The following ATF7IP2 variants were observed in gnomAD, a reference collection of about 807,000 sequenced individuals.
The protein encoded by ATF7IP2 is activating transcription factor 7-interacting protein 2.
A neutral mutation model predicts 64.2 loss-of-function variants in ATF7IP2; 42 were observed. That is an observed-to-expected ratio of 0.65 (90% CI 0.51 to 0.85). ATF7IP2 has a LOEUF of 0.85. Among genes scored for constraint, ATF7IP2 ranks in the 40% least tolerant of loss-of-function variants. ATF7IP2 has a pLI of 0.00. For synonymous variants in ATF7IP2, 308 were observed against 272.8 expected, an observed-to-expected ratio of 1.13 and a Z score of -1.27; for missense variants, 933 against 784.2, an observed-to-expected ratio of 1.19 and a Z score of -2.27.
At chr16:10,422,340 A>G (rs976344993) in intron 3 of ATF7IP2, among the ~76,000 whole-genome samples, 2 of 152,082 alleles carry the variant, frequency 1.3e-5, no homozygotes, top group South Asian at 2.1e-4. Flanking sequence ...AAACTTTGCA[A>G]ATTTTTTCCT....
intron 5 of ATF7IP2, among the ~76,000 whole-genome samples, chr16:10,432,577 A>G (rs1314308495): frequency 2.0e-5 from 3 of 151,954 alleles, no homozygotes; most frequent in Middle Eastern, 3.2e-3. Context: ...CTCTTAAAGA[A>G]AAAAAAAGAA....
chr16:10,418,309 C>T (rs2047919479), intron 2 of ATF7IP2, among the ~76,000 whole-genome samples: 1 of 152,230 alleles, frequency 6.6e-6, no homozygotes, highest in Non-Finnish European at 1.5e-5. Context: ...CAACAACCTT[C>T]AGCGTGGGCA....
intron 12 of ATF7IP2, among the ~76,000 whole-genome samples, chr16:10,476,775 C>G (rs917553104): frequency 6.6e-5 from 10 of 152,102 alleles, no homozygotes; most frequent in African/African-American, 2.2e-4. Flanking sequence ...TCTGTTCCTG[C>G]GTTACTTTGC....
chr16:10,407,558 G>C (rs1378141128), intron 1 of ATF7IP2, among the ~76,000 whole-genome samples: 1 of 152,052 alleles, frequency 6.6e-6, no homozygotes, highest in Non-Finnish European at 1.5e-5. Flanking sequence ...ACAAAATTCA[G>C]TACCATTTCT....
intron 8 of ATF7IP2, among the ~76,000 whole-genome samples, chr16:10,452,471 C>T (rs1259780870): frequency 6.6e-6 from 1 of 152,204 alleles, no homozygotes; most frequent in African/African-American, 2.4e-5. Context: ...GTTCCTTCCT[C>T]TGGAAGCTTC....
In ATF7IP2 at chr16:10,438,230, C is replaced by G; in HGVS notation, c.1090C>G (p.Leu364Val). Residue 364 changes from leucine (L) to valine (V), a missense_variant, in exon 7 of 14, where the codon CTT (leucine) becomes GTT (valine). Transcript: ENST00000562102. ...RNKHEGIADK[L>V]LAKIAKLQRR... is the part of the protein sequence containing the mutation. ...TAAGCATGAAGGAATAGCTGATAAA[C>G]TTTTGGTAAGTTTTGATTTCATTTG... The G allele has an allele frequency of 1.3e-6, 2 of 1,591,872 alleles. No individual in the cohort carries two copies. The highest frequency in any genetic ancestry group is 1.7e-6 in the Non-Finnish European group (2 of 1,172,394).
At chr16:10,452,347 G>C (rs2049012353) in intron 8 of ATF7IP2, among the ~76,000 whole-genome samples, 3 of 152,170 alleles carry the variant, frequency 2.0e-5, no homozygotes, top group African/African-American at 4.8e-5. Flanking sequence ...ATTCCTTTCT[G>C]TTTGTTACTC....
At position 10,438,341 on chromosome 16, in the gene ATF7IP2, C is replaced by G. The variant is rs1596512434; in HGVS notation, c.1095+106C>G. On this transcript the variant is annotated intron_variant, in intron 7 of 13. Transcript: ENST00000562102. ...CTCACTGCAGCCTCTGCCTTCTGAG[C>G]TCAAGCAATCCTACCACCTCAGTCT... 2.6e-6 allele frequency: 3 copies of G among 1,176,014 alleles called. No individual in the cohort carries two copies. The East Asian group carries it at 8.4e-5, about 33-fold the overall frequency. The allele number at this position is 1,176,014 out of a possible 1,614,324, so 72.8% of individuals were successfully genotyped here.
At chr16:10,413,524 G>T (rs1236151305) in intron 1 of ATF7IP2, among the ~76,000 whole-genome samples, 4 of 152,174 alleles carry the variant, frequency 2.6e-5, no homozygotes, top group Non-Finnish European at 5.9e-5. Context: ...GACTAATACA[G>T]TTAGTGTTTA....
At chr16:10,479,958 CTTTTTTTTTTT>C (rs201158427) in intron 12 of ATF7IP2, among the ~76,000 whole-genome samples, 11 of 80,586 alleles carry the variant, frequency 1.4e-4, no homozygotes, top group Middle Eastern at 9.3e-3. Flanking sequence ...ACTGGAAATA[CTTTTTTTTTTT>C]TTTTTTTTTT....
chr16:10,481,153 CAAAT>C (rs2050208252), intron 13 of ATF7IP2, among the ~76,000 whole-genome samples, 189 bp downstream of exon 13: 1 of 152,154 alleles, frequency 6.6e-6, no homozygotes, highest in Admixed American at 6.5e-5. Context: ...GAAATTAAAA[CAAAT>C]ACTTTTTTTA....
intron 1 of ATF7IP2, among the ~76,000 whole-genome samples, chr16:10,404,719 T>C (rs1384343918): frequency 6.6e-6 from 1 of 152,100 alleles, no homozygotes; most frequent in African/African-American, 2.4e-5. Context: ...TTTGTATTTT[T>C]AGTAGTGACA....
rs182422512 is a variant in ATF7IP2, at chr16:10,421,758, A to T, written c.-160+2135A>T. On this transcript the variant is annotated intron_variant, in intron 3 of 13. Transcript: ENST00000562102. ...TAATGTAACACTGTGGACATTTTTTACGAGTAGATTCAATTGCTTGCCCTA... is the reference window on the plus strand; with the variant it reads ...TAATGTAACACTGTGGACATTTTTTTCGAGTAGATTCAATTGCTTGCCCTA... Among the ~76,000 whole-genome samples, 412 of 152,346 alleles carry T rather than the reference A, an allele frequency of 2.7e-3. 4 individuals carry two copies. Among genetic ancestry groups the T allele is most frequent in the African/African-American group, 9.4e-3 (391 of 41,582 alleles).
At chr16:10,473,095 A>T (rs1419719362) in intron 10 of ATF7IP2, among the ~76,000 whole-genome samples, 1 of 152,192 alleles carries the variant, frequency 6.6e-6, no homozygotes, top group East Asian at 1.9e-4. Flanking sequence ...AAAGGATGTT[A>T]ATCATTTATC....
At chr16:10,444,246 G>T (rs1026998132) in intron 8 of ATF7IP2, among the ~76,000 whole-genome samples, 1 of 152,156 alleles carries the variant, frequency 6.6e-6, no homozygotes, top group African/African-American at 2.4e-5. Context: ...AAGTTTTTTT[G>T]AATATTAGTT....
chr16:10,440,331 C>A, intron 7 of ATF7IP2, 33 bp from the exon 8 acceptor site: 1 of 1,149,394 alleles, frequency 8.7e-7, no homozygotes, highest in Non-Finnish European at 1.2e-6. Context: ...AGTACTCTGG[C>A]TTAGTATTTA....
At chr16:10,420,560 C>T (rs546095138) in intron 3 of ATF7IP2, among the ~76,000 whole-genome samples, 9 of 152,306 alleles carry the variant, frequency 5.9e-5, no homozygotes, top group South Asian at 2.1e-4. Context: ...TTAGATACTG[C>T]AGTAGCAACT....
chr16:10,457,421 A>G lies in ATF7IP2; in HGVS notation c.1244A>G (p.Asn415Ser). ...MILDKNLESV[N>S]SPIEKSSVNY... is the part of the protein sequence containing the mutation. ...TTGGATAAGAATCTTGAGTCAGTTA[A>G]TAGTCCAATTGAAAAGTCTTCTGTG... Residue 415 changes from asparagine (N) to serine (S), a missense_variant, in exon 9 of 14, where the codon AAT becomes AGT. Transcript: ENST00000562102. 1 of 1,608,810 alleles carries G rather than the reference A, an allele frequency of 6.2e-7. No homozygotes were observed. The highest frequency in any genetic ancestry group is 8.5e-7 in the Non-Finnish European group (1 of 1,178,234).
rs752105938 is a variant in ATF7IP2, at chr16:10,431,438, T to C, written c.818T>C (p.Leu273Pro). The C allele has an allele frequency of 1.5e-4, 242 of 1,598,416 alleles. 7 individuals are homozygous for C. The South Asian group carries it at 2.6e-3, about 17-fold the overall frequency. ...GCAGACTCAACATGGCAGTCATCAC[T>C]TGACACTAATAACAACAGTAAGTAT... The part of the protein sequence containing the change: ...ESADSTWQSS[L>P]DTNNNSHYQK... The change falls in exon 5 of 14, where the codon CTT (leucine) becomes CCT (proline). Residue 273 changes from leucine to proline, a missense_variant. Coordinates refer to ENST00000562102, the MANE Select transcript of ATF7IP2 (RefSeq NM_001393719.1).
Sources: allele counts gnomAD v4.1 joint callset (sites outside exome capture counted in the v4.1 genomes callset), GRCh38; gene constraint gnomAD v4.1.1; transcripts MANE v1.5; gene names NCBI Gene and HGNC (gene_info 2026-07-23, HGNC 2026-07-21).